OSBPL10: variants seen among roughly 807,000 people sequenced by gnomAD.
OSBPL10 encodes the protein oxysterol-binding protein-related protein 10.
A neutral mutation model predicts 81.7 loss-of-function variants in OSBPL10; 49 were observed. That is an observed-to-expected ratio of 0.60 (90% CI 0.48 to 0.76). The LOEUF (loss-of-function observed/expected upper bound fraction) is 0.76. OSBPL10 is among the 30% of genes least tolerant of loss of function. OSBPL10 has a pLI of 0.00. For synonymous variants in OSBPL10, 419 were observed against 383.6 expected, an observed-to-expected ratio of 1.09 and a Z score of -1.08; for missense variants, 923 against 987.8, an observed-to-expected ratio of 0.93 and a Z score of 0.88.
chr3:32,005,290 T>C (rs1174032925), intron 2 of OSBPL10, among the ~76,000 whole-genome samples: 8 of 152,176 alleles, frequency 5.3e-5, no homozygotes, highest in Admixed American at 4.6e-4. Context: ...ATCTAGTTCA[T>C]AGGGCCTAAC....
intron 4 of OSBPL10, among the ~76,000 whole-genome samples, chr3:31,764,533 C>T (rs1386307506): frequency 6.6e-6 from 1 of 152,176 alleles, no homozygotes; most frequent in African/African-American, 2.4e-5. Context: ...GAAGAAGGAT[C>T]GAGTTCCAAA....
chr3:31,716,252 C>T (rs942158599), intron 6 of OSBPL10, among the ~76,000 whole-genome samples: 2 of 152,156 alleles, frequency 1.3e-5, no homozygotes, highest in African/African-American at 4.8e-5. Flanking sequence ...GTACAATATA[C>T]AAATCTTATT....
chr3:31,782,925 TG>T (rs1427355231), intron 4 of OSBPL10, among the ~76,000 whole-genome samples: 1 of 152,022 alleles, frequency 6.6e-6, no homozygotes, highest in Admixed American at 6.6e-5. Context: ...GATCCAGCAA[TG>T]CCACCACTAG....
chr3:31,680,424 G>A (rs1205007536), intron 8 of OSBPL10, among the ~76,000 whole-genome samples: 1 of 152,140 alleles, frequency 6.6e-6, no homozygotes, highest in Non-Finnish European at 1.5e-5. Context: ...AATGGCCCCT[G>A]ACTCAAGGAG....
chr3:31,666,670 T>A (rs1399032856), intron 10 of OSBPL10, among the ~76,000 whole-genome samples: 4 of 152,180 alleles, frequency 2.6e-5, no homozygotes, highest in Non-Finnish European at 5.9e-5. Context: ...CCCCAGCAGA[T>A]GCCCAAAGCC....
In OSBPL10 at chr3:31,790,863, A is replaced by C. The variant is rs1698991869; in HGVS notation, c.729+39177T>G. ...TGGGCTGCACATAAAGATCTACTGCATATGTGTCGGAAAGCCAGATGGTAC... is the reference window on the plus strand; with the variant it reads ...TGGGCTGCACATAAAGATCTACTGCCTATGTGTCGGAAAGCCAGATGGTAC... On this transcript the variant is annotated intron_variant, in intron 4 of 11. Transcript: ENST00000396556. Among the ~76,000 whole-genome samples the C allele has an allele frequency of 2.0e-5, 3 of 152,204 alleles. No individual in the cohort carries two copies. In the South Asian group the frequency reaches 6.2e-4, roughly 31 times the overall value.
At chr3:31,941,025 G>A (rs752006933) in intron 1 of OSBPL10, among the ~76,000 whole-genome samples, 1 of 152,126 alleles carries the variant, frequency 6.6e-6, no homozygotes, top group Non-Finnish European at 1.5e-5. Context: ...CAAGTTATTT[G>A]CTGAGGGTGT....
intron 3 of OSBPL10, among the ~76,000 whole-genome samples, chr3:31,848,396 A>C (rs558747918): frequency 6.6e-6 from 1 of 151,880 alleles, no homozygotes; most frequent in African/African-American, 2.4e-5. Flanking sequence ...ACGGTGGAAA[A>C]TGTTTTGTGA....
At chr3:31,954,835 C>T (rs1381286915) in intron 1 of OSBPL10, among the ~76,000 whole-genome samples, 1 of 152,128 alleles carries the variant, frequency 6.6e-6, no homozygotes, top group African/African-American at 2.4e-5. Context: ...ATATTTATGA[C>T]TATACTAATG....
intron 2 of OSBPL10, among the ~76,000 whole-genome samples, chr3:31,994,032 A>T (rs541845049): frequency 6.6e-6 from 1 of 152,360 alleles, no homozygotes; most frequent in Admixed American, 6.5e-5. Flanking sequence ...TATACAATAA[A>T]TGAGTACTCA....
chr3:32,055,496 T>G (rs1041161317), intron 1 of OSBPL10, among the ~76,000 whole-genome samples: 1 of 152,138 alleles, frequency 6.6e-6, no homozygotes, highest in African/African-American at 2.4e-5. Flanking sequence ...TTTATAGCTT[T>G]TAACATTTTA....
intron 1 of OSBPL10, among the ~76,000 whole-genome samples, chr3:32,059,417 C>A (rs1302396806): frequency 1.3e-5 from 2 of 151,668 alleles, no homozygotes; most frequent in Admixed American, 1.3e-4. Flanking sequence ...TGAAACCCCA[C>A]CTCTACTAAA....
intron 2 of OSBPL10, among the ~76,000 whole-genome samples, chr3:32,041,461 G>C (rs541361028): frequency 6.6e-6 from 1 of 152,036 alleles, no homozygotes; most frequent in African/African-American, 2.4e-5. Context: ...GAAACACCCC[G>C]TGAGGTCTCT....
intron 2 of OSBPL10, among the ~76,000 whole-genome samples, chr3:32,000,022 C>G (rs1346264630): frequency 1.3e-5 from 2 of 152,106 alleles, no homozygotes; most frequent in Non-Finnish European, 2.9e-5. Flanking sequence ...ATGATCTTTG[C>G]CACAAAGATA....
rs200843799 is a variant in OSBPL10, at chr3:32,065,995, GAAAGAAAGAAAGAGAA to G, written n.185+11385_185+11400del. Among the ~76,000 whole-genome samples the G allele has an allele frequency of 2.1e-3, 134 of 63,444 alleles. 4 individuals are homozygous for G. Among genetic ancestry groups the G allele is most frequent in the African/African-American group, 4.8e-3 (130 of 27,056 alleles). 41.6% of individuals were successfully genotyped at this position (63,444 alleles called of 152,430 possible). ...AGAAAGAAAGAAAGAAAGAAAGAAA[GAAAGAAAGAAAGAGAA>G]AGAAAGAAAGAAAGAGAGAGAGAGA... On this transcript the variant is annotated intron_variant and non_coding_transcript_variant, in intron 1 of 3. Transcript: ENST00000479173.
chr3:31,722,756 C>T (rs1696686212), intron 6 of OSBPL10, among the ~76,000 whole-genome samples: 1 of 152,040 alleles, frequency 6.6e-6, no homozygotes, highest in South Asian at 2.1e-4. Flanking sequence ...ACACATTTAT[C>T]AAAAAATAAC....
chr3:31,809,820 T>C lies in OSBPL10; in HGVS notation c.729+20220A>G, dbSNP rs146217675. 4.8e-3 allele frequency among the ~76,000 whole-genome samples: 722 copies of C among 150,426 alleles called. 5 individuals carry two copies. The highest frequency in any genetic ancestry group is 0.017 in the African/African-American group (687 of 40,626). ...AAGATGGACTATTCAAAAAATGGGA[T>C]TGGAAAACTAGACCAGCCCAAGAAA... On this transcript the variant is annotated intron_variant, in intron 4 of 11. Transcript: ENST00000396556.
At chr3:31,771,111 G>A (rs1357334668) in intron 4 of OSBPL10, among the ~76,000 whole-genome samples, 1 of 152,122 alleles carries the variant, frequency 6.6e-6, no homozygotes, top group Non-Finnish European at 1.5e-5. Flanking sequence ...ACTCAGAAAT[G>A]CTGCTAATAC....
chr3:31,789,106 G>T (rs1698941762), intron 4 of OSBPL10, among the ~76,000 whole-genome samples: 1 of 152,104 alleles, frequency 6.6e-6, no homozygotes, highest in African/African-American at 2.4e-5. Context: ...AACCTCCTAA[G>T]TCACAGCGAT....
Sources: gnomAD v4.1 joint callset for allele counts (sites outside exome capture counted in the v4.1 genomes callset) on GRCh38, gnomAD v4.1.1 for gene constraint, MANE v1.5 for transcripts, NCBI Gene and HGNC (gene_info 2026-07-23, HGNC 2026-07-21) for gene names.